CSMD1: variants seen among roughly 807,000 people sequenced by gnomAD.
CSMD1 encodes CUB and Sushi multiple domains 1.
In CSMD1, 213 loss-of-function variants were observed where a neutral mutation model predicts 417.5. That is an observed-to-expected ratio of 0.51 (90% CI 0.46 to 0.57). CSMD1 has a LOEUF of 0.57. Among genes scored for constraint, CSMD1 ranks in the 20% least tolerant of loss-of-function variants. The pLI, the probability that CSMD1 is intolerant of heterozygous loss-of-function variation, is 0.00. For missense variants in CSMD1, 6,923 were observed against 4,529.7 expected, an observed-to-expected ratio of 1.53 and a Z score of -15.17; for synonymous variants, 2,862 against 1,736.8, an observed-to-expected ratio of 1.65 and a Z score of -16.11.
intron 33 of CSMD1, among the ~76,000 whole-genome samples, chr8:3,197,559 G>A (rs990851792): frequency 1.3e-5 from 2 of 150,022 alleles, no homozygotes; most frequent in East Asian, 2.0e-4. Context: ...TCCGCCTCCC[G>A]GGTTCACGCC....
rs1806622746 is a variant in CSMD1, at chr8:2,993,805, G to A, written c.8377+4206C>T. On this transcript the variant is annotated intron_variant, in intron 54 of 69. Coordinates refer to ENST00000635120, the MANE Select transcript of CSMD1 (RefSeq NM_033225.6). ...GGCCCTTATGACTTCAATCTGGCCT[G>A]GAGTTACTCCCCTGCATTGAAGAAA... 6.6e-5 allele frequency among the ~76,000 whole-genome samples: 10 copies of A among 152,006 alleles called. No homozygotes were observed. The South Asian group carries it at 2.1e-3, about 32-fold the overall frequency.
chr8:3,230,414 G>A (rs906476988), intron 26 of CSMD1, among the ~76,000 whole-genome samples, 183 bp from the exon 27 acceptor site: 1 of 152,116 alleles, frequency 6.6e-6, no homozygotes, highest in African/African-American at 2.4e-5. Flanking sequence ...CATCTTCATT[G>A]TGCTTGCATT....
intron 35 of CSMD1, among the ~76,000 whole-genome samples, chr8:3,188,630 T>C (rs1003775114): frequency 6.6e-6 from 1 of 152,090 alleles, no homozygotes; most frequent in Non-Finnish European, 1.5e-5. Flanking sequence ...CTACAAATGG[T>C]ACTTTTGATA....
chr8:4,471,760 T>A (rs1013704266), intron 2 of CSMD1, among the ~76,000 whole-genome samples: 1 of 152,080 alleles, frequency 6.6e-6, no homozygotes, highest in East Asian at 1.9e-4. Context: ...CCCATTTCTT[T>A]AGCGTCACAA....
intron 3 of CSMD1, among the ~76,000 whole-genome samples, chr8:4,135,405 G>T (rs1337506091): frequency 1.5e-5 from 2 of 131,102 alleles, no homozygotes; most frequent in Non-Finnish European, 3.2e-5. Context: ...GGGGAAAGAG[G>T]GAAAGAGGGG....
rs991620073 is a variant in CSMD1, at chr8:3,592,542, G to A, written c.1098-6282C>T. On this transcript the variant is annotated intron_variant, in intron 8 of 69. Coordinates refer to ENST00000635120, the MANE Select transcript of CSMD1 (RefSeq NM_033225.6). ...GATGGATGGCATGGGGGCAGTAGCTGCAGCCACACTTTATCAAAGGTTTAG... is the reference window on the plus strand; with the variant it reads ...GATGGATGGCATGGGGGCAGTAGCTACAGCCACACTTTATCAAAGGTTTAG... Among the ~76,000 whole-genome samples the A allele has an allele frequency of 5.9e-5, 9 of 152,234 alleles. No homozygotes were observed. In the East Asian group the frequency reaches 1.6e-3, roughly 26 times the overall value.
chr8:3,202,658 G>A (rs543092934), intron 31 of CSMD1, among the ~76,000 whole-genome samples: 1 of 152,310 alleles, frequency 6.6e-6, no homozygotes, highest in African/African-American at 2.4e-5. Context: ...AACAAGAAAT[G>A]GAGGTGTGTG....
At chr8:3,158,313 G>C (rs887880714) in intron 38 of CSMD1, among the ~76,000 whole-genome samples, 1 of 151,950 alleles carries the variant, frequency 6.6e-6, no homozygotes, top group South Asian at 2.1e-4. Flanking sequence ...ACAGCTTTTG[G>C]CCTAAGAAGC....
At chr8:3,876,877 C>T (rs980162468) in intron 5 of CSMD1, among the ~76,000 whole-genome samples, 2 of 152,232 alleles carry the variant, frequency 1.3e-5, no homozygotes, top group African/African-American at 4.8e-5. Context: ...CTCCCAAAAT[C>T]ATGCGTGGGA....
chr8:3,659,395 G>T (rs1164323510), intron 7 of CSMD1, among the ~76,000 whole-genome samples: 1 of 152,162 alleles, frequency 6.6e-6, no homozygotes, highest in Non-Finnish European at 1.5e-5. Context: ...CTTAGACACA[G>T]GTAACGGGTC....
chr8:3,968,643 C>A (rs931665423), intron 5 of CSMD1, among the ~76,000 whole-genome samples: 1 of 152,118 alleles, frequency 6.6e-6, no homozygotes, highest in Non-Finnish European at 1.5e-5. Flanking sequence ...CAGTCTGAGG[C>A]TCTACTGTCC....
At chr8:4,313,009 G>A (rs774478952) in intron 3 of CSMD1, among the ~76,000 whole-genome samples, 1 of 152,160 alleles carries the variant, frequency 6.6e-6, no homozygotes, top group Non-Finnish European at 1.5e-5. Context: ...TGGGGAGGTA[G>A]AATTTAGAGA....
chr8:3,964,780 C>T (rs890701879), intron 5 of CSMD1, among the ~76,000 whole-genome samples: 4 of 152,152 alleles, frequency 2.6e-5, no homozygotes, highest in African/African-American at 9.7e-5. Flanking sequence ...CTAATGTATC[C>T]AACAATTATT....
chr8:4,511,973 C>G (rs1307245315), intron 2 of CSMD1, among the ~76,000 whole-genome samples: 1 of 152,148 alleles, frequency 6.6e-6, no homozygotes, highest in African/African-American at 2.4e-5. Flanking sequence ...CAACACCAGA[C>G]AGAGGCATTC....
At chr8:4,760,632 T>C (rs942849172) in intron 1 of CSMD1, among the ~76,000 whole-genome samples, 38 of 152,218 alleles carry the variant, frequency 2.5e-4, no homozygotes, top group African/African-American at 8.7e-4. Flanking sequence ...CACAATATTG[T>C]TGTATAAGTA....
intron 12 of CSMD1, among the ~76,000 whole-genome samples, chr8:3,466,787 A>G (rs1816815445): frequency 1.3e-5 from 2 of 152,114 alleles, no homozygotes; most frequent in African/African-American, 4.8e-5. Context: ...ATATAAAATT[A>G]TGTATACGCA....
intron 4 of CSMD1, among the ~76,000 whole-genome samples, chr8:4,000,256 G>A (rs948912110): frequency 6.6e-6 from 1 of 151,900 alleles, no homozygotes; most frequent in Non-Finnish European, 1.5e-5. Flanking sequence ...GGACACCACT[G>A]TGCAAGCACA....
chr8:3,938,867 T>C (rs1810682136), intron 5 of CSMD1, among the ~76,000 whole-genome samples: 2 of 152,174 alleles, frequency 1.3e-5, no homozygotes, highest in South Asian at 4.1e-4. Context: ...AGAAGGCAAG[T>C]GAATCATTAA....
At chr8:3,738,537 C>G (rs1796638966) in intron 6 of CSMD1, among the ~76,000 whole-genome samples, 1 of 152,180 alleles carries the variant, frequency 6.6e-6, no homozygotes, top group African/African-American at 2.4e-5. Context: ...GTCCTGCCGC[C>G]AAACATGAAT....
Sources: gnomAD v4.1 joint callset for allele counts (sites outside exome capture counted in the v4.1 genomes callset) on GRCh38, gnomAD v4.1.1 for gene constraint, MANE v1.5 for transcripts, NCBI Gene and HGNC (gene_info 2026-07-23, HGNC 2026-07-21) for gene names.